Variants in CHCHD3 observed in about 807,000 individuals in gnomAD.
CHCHD3 encodes the protein coiled-coil-helix-coiled-coil-helix domain containing 3, also known as MICOS complex subunit MIC19.
In CHCHD3, 20 loss-of-function variants were observed where a neutral mutation model predicts 38.2. The observed-to-expected ratio is 0.52, with a 90% CI of 0.37 to 0.76. The LOEUF (loss-of-function observed/expected upper bound fraction) is 0.76. CHCHD3 is among the 30% of genes least tolerant of loss of function. The pLI, the probability that CHCHD3 is intolerant of heterozygous loss-of-function variation, is 0.00. For missense variants in CHCHD3, 245 were observed against 279.2 expected, an observed-to-expected ratio of 0.88 and a Z score of 0.87; for synonymous variants, 82 against 100.0, an observed-to-expected ratio of 0.82 and a Z score of 1.07.
chr7:133,067,377 A>C (rs1814699531), intron 2 of CHCHD3, among the ~76,000 whole-genome samples: 1 of 152,238 alleles, frequency 6.6e-6, no homozygotes, highest in Non-Finnish European at 1.5e-5. Flanking sequence ...TGTTTTAATT[A>C]AACTACAGAA....
intron 6 of CHCHD3, among the ~76,000 whole-genome samples, chr7:132,800,679 T>C (rs1806767027): frequency 6.6e-6 from 1 of 152,144 alleles, no homozygotes; most frequent in African/African-American, 2.4e-5. Context: ...AAGTCACTCA[T>C]TACGAGTCTA....
chr7:132,891,139 C>T (rs777197159), intron 4 of CHCHD3, among the ~76,000 whole-genome samples: 9 of 152,120 alleles, frequency 5.9e-5, no homozygotes, highest in Non-Finnish European at 1.2e-4. Flanking sequence ...TTAAAGTAGC[C>T]ATGTATTCAA....
At chr7:133,070,286 T>C in intron 1 of CHCHD3, 57 bp from the exon 2 acceptor site, 2 of 1,400,140 alleles carry the variant, frequency 1.4e-6, no homozygotes, top group South Asian at 2.4e-5. Flanking sequence ...CAAAAACCAG[T>C]GCAATAACAT....
At chr7:132,837,827 C>A (rs1807827009) in intron 6 of CHCHD3, among the ~76,000 whole-genome samples, 1 of 152,162 alleles carries the variant, frequency 6.6e-6, no homozygotes, top group Non-Finnish European at 1.5e-5. Context: ...AAGTACAAAG[C>A]TATGGGACAC....
intron 4 of CHCHD3, among the ~76,000 whole-genome samples, chr7:132,961,409 G>A (rs184284498): frequency 1.3e-5 from 2 of 152,152 alleles, no homozygotes; most frequent in African/African-American, 2.4e-5. Flanking sequence ...AAAAATTTGG[G>A]TCACTTAATT....
chr7:132,932,559 C>A (rs997626161), intron 4 of CHCHD3, among the ~76,000 whole-genome samples: 1 of 152,226 alleles, frequency 6.6e-6, no homozygotes, highest in Non-Finnish European at 1.5e-5. Flanking sequence ...CTGAGGCTGC[C>A]GTCTCCCACT....
intron 4 of CHCHD3, among the ~76,000 whole-genome samples, chr7:132,943,028 A>C (rs1459947328): frequency 6.6e-6 from 1 of 152,210 alleles, no homozygotes; most frequent in African/African-American, 2.4e-5. Context: ...ATAAAAAATA[A>C]GCATGAAAAG....
intron 4 of CHCHD3, among the ~76,000 whole-genome samples, chr7:132,958,667 A>G (rs1370735824): frequency 6.6e-6 from 1 of 152,236 alleles, no homozygotes; most frequent in African/African-American, 2.4e-5. Context: ...AATATAGTCC[A>G]TCGGCAACAG....
At chr7:133,025,599 G>C (rs1584652870) in intron 2 of CHCHD3, among the ~76,000 whole-genome samples, 1 of 152,146 alleles carries the variant, frequency 6.6e-6, no homozygotes, top group South Asian at 2.1e-4. Flanking sequence ...CCGCCTCCTG[G>C]GTTCAAGCAA....
Position 132,945,944 on chromosome 7 carries a change from A to G in CHCHD3, c.369+29225T>C, listed in dbSNP as rs771593568. 1.4e-4 allele frequency among the ~76,000 whole-genome samples: 21 copies of G among 151,940 alleles called. No homozygotes were observed. In the South Asian group the frequency reaches 3.9e-3, roughly 28 times the overall value. On this transcript the variant is annotated intron_variant, in intron 4 of 7. Transcript: ENST00000262570. ...ATAATCTTCAGAGGGCAGAGTTACA[A>G]AAGTTCAGATAAACATTTTTATTGA...
intron 2 of CHCHD3, among the ~76,000 whole-genome samples, chr7:133,054,449 T>G (rs1814253585): frequency 6.6e-6 from 1 of 151,924 alleles, no homozygotes; most frequent in Non-Finnish European, 1.5e-5. Context: ...AAAATAACAA[T>G]AAATATTATA....
chr7:132,937,917 C>T (rs1383538192), intron 4 of CHCHD3, among the ~76,000 whole-genome samples: 2 of 152,090 alleles, frequency 1.3e-5, no homozygotes, highest in African/African-American at 2.4e-5. Flanking sequence ...AAGACATTTC[C>T]TTTTCAAAGT....
rs368284412 is a variant in CHCHD3, at chr7:133,080,725, AC to A, written c.81+1131del. On this transcript the variant is annotated intron_variant, in intron 1 of 7. Transcript: ENST00000262570. ...AAGAAATACTGGTCACAGACCAAAAACTGAGTTCGACAGTCTGAGTTTCTAT... is the reference window on the plus strand; with the variant it reads ...AAGAAATACTGGTCACAGACCAAAAATGAGTTCGACAGTCTGAGTTTCTAT... Among the ~76,000 whole-genome samples, 825 of 152,322 alleles carry A rather than the reference AC, an allele frequency of 5.4e-3. 10 individuals are homozygous for A. The highest frequency in any genetic ancestry group is 0.018 in the African/African-American group (765 of 41,570).
At chr7:132,895,720 A>T (rs1809478301) in intron 4 of CHCHD3, among the ~76,000 whole-genome samples, 1 of 152,222 alleles carries the variant, frequency 6.6e-6, no homozygotes, top group Non-Finnish European at 1.5e-5. Flanking sequence ...AAGAAGTGAC[A>T]TTGCTCTTCC....
chr7:132,975,189 G>C lies in CHCHD3; in HGVS notation c.349C>G (p.Arg117Gly). 6.2e-7 allele frequency: 1 copy of C among 1,612,062 alleles called. No individual in the cohort carries two copies. The highest frequency in any genetic ancestry group is 8.5e-7 in the Non-Finnish European group (1 of 1,179,852). The change falls in exon 4 of 8, where the codon CGC becomes GGC. Residue 117 changes from arginine (R) to glycine (G), a missense_variant. Coordinates refer to ENST00000262570, the MANE Select transcript of CHCHD3 (RefSeq NM_017812.4). ...LRERICSEEE[R>G]AKAKHLARQL... ...CTCACCAGGTGCTTTGCCTTAGCGCGTTCCTCCTCGCTACATATCCTCTCC... is the reference window on the plus strand; with the variant it reads ...CTCACCAGGTGCTTTGCCTTAGCGCCTTCCTCCTCGCTACATATCCTCTCC...
chr7:132,983,219 G>A (rs910128877), intron 3 of CHCHD3, among the ~76,000 whole-genome samples: 1 of 152,104 alleles, frequency 6.6e-6, no homozygotes, highest in Non-Finnish European at 1.5e-5. Context: ...CTACTCGGGA[G>A]GCTGAGGCAA....
intron 4 of CHCHD3, among the ~76,000 whole-genome samples, chr7:132,923,352 G>T (rs918544465): frequency 3.9e-5 from 6 of 152,128 alleles, no homozygotes; most frequent in African/African-American, 1.4e-4. Context: ...TAGACAGACA[G>T]ATTTGTGTGA....
intron 6 of CHCHD3, among the ~76,000 whole-genome samples, chr7:132,801,790 A>G (rs1335545571): frequency 6.6e-6 from 1 of 152,270 alleles, no homozygotes; most frequent in Non-Finnish European, 1.5e-5. Flanking sequence ...GGTTTGAAAG[A>G]ATAGTTTCTA....
chr7:132,815,067 A>C (rs1807162168), intron 6 of CHCHD3, among the ~76,000 whole-genome samples: 1 of 152,242 alleles, frequency 6.6e-6, no homozygotes, highest in South Asian at 2.1e-4. Context: ...ATACTGTATA[A>C]TGAAATAAAG....
Sources: gnomAD v4.1 joint callset for allele counts (sites outside exome capture counted in the v4.1 genomes callset) on GRCh38, gnomAD v4.1.1 for gene constraint, MANE v1.5 for transcripts, NCBI Gene and HGNC (gene_info 2026-07-23, HGNC 2026-07-21) for gene names.